CCR10: variants seen among roughly 807,000 people sequenced by gnomAD.
CCR10 encodes the protein C-C chemokine receptor type 10.
In CCR10, 11 loss-of-function variants were observed where a neutral mutation model predicts 11.9. The observed-to-expected ratio is 0.92, with a 90% CI of 0.58 to 1.53. CCR10 has a LOEUF of 1.53. Ranked by LOEUF, CCR10 falls within the 40% of genes most tolerant of loss-of-function variation. CCR10 has a pLI of 0.00. For missense variants in CCR10, 428 were observed against 496.6 expected (o/e 0.86, Z 1.31); for synonymous variants, 224 against 245.4 (o/e 0.91, Z 0.81).
At chr17:42,680,768 G>A in intron 1 of CCR10, 151 bp from the exon 2 acceptor site, 1 of 594,178 alleles carries the variant, frequency 1.7e-6, no homozygotes. Flanking sequence ...ACTCTTCCTA[G>A]CACACCTTCA....
rs748430257 is a variant in CCR10 at position 42,680,582 on chromosome 17, G to A, written c.60C>T (p.Asp20=). 13 of 1,588,624 alleles carry A rather than the reference G, an allele frequency of 8.2e-6. No individual in the cohort carries two copies. The highest frequency in any genetic ancestry group is 3.5e-5 in the Admixed American group (2 of 56,672). Residue 20 remains aspartate, a synonymous_variant, in exon 2 of 2, where the codon GAC becomes GAT. Transcript: ENST00000332438. ...SWGHYSGDEE[D]AYSAEPLPEL... ...CCGGCAGTGGCTCAGCCGAGTATGC[G>A]TCCTCTTCATCCCCAGAGTAATGGC... is the stretch of plus-strand genomic sequence containing the variant.
Position 42,680,021 on chromosome 17 carries a change from G to A in CCR10, c.621C>T (p.Ser207=). ...AGCCCAGGGCCACCTGCGCCACGGCGCTCGCCCCCTTCACCGTCTGCGTGA... is the reference window on the plus strand; with the variant it reads ...AGCCCAGGGCCACCTGCGCCACGGCACTCGCCCCCTTCACCGTCTGCGTGA... ...EGLTQTVKGA[S]AVAQVALGFA... The change falls in exon 2 of 2, where the codon AGC becomes AGT. Residue 207 remains serine (S), a synonymous_variant. Coordinates refer to ENST00000332438, the MANE Select transcript of CCR10 (RefSeq NM_016602.3). 1.3e-6 allele frequency: 2 copies of A among 1,583,814 alleles called. No individual in the cohort carries two copies. The highest frequency in any genetic ancestry group is 1.7e-6 in the Non-Finnish European group (2 of 1,170,182).
In CCR10 at chr17:42,680,010, T is replaced by A; in HGVS notation, c.632A>T (p.Gln211Leu). 1.3e-6 allele frequency: 2 copies of A among 1,580,976 alleles called. No individual in the cohort carries two copies. The highest frequency in any genetic ancestry group is 8.6e-7 in the Non-Finnish European group (1 of 1,168,868). ...QTVKGASAVAQVALGFALPLG... is the reference protein window; with the variant it reads ...QTVKGASAVALVALGFALPLG... ...CGGCAGCGCGAAGCCCAGGGCCACC[T>A]GCGCCACGGCGCTCGCCCCCTTCAC... The change falls in exon 2 of 2, where the codon CAG (glutamine) becomes CTG (leucine). Residue 211 changes from glutamine to leucine, a missense_variant. Coordinates refer to ENST00000332438, the MANE Select transcript of CCR10 (RefSeq NM_016602.3).
Position 42,680,057 on chromosome 17 carries a change from G to T in CCR10, c.585C>A (p.Phe195Leu), listed in dbSNP as rs1413756185. 6.2e-7 allele frequency: 1 copy of T among 1,602,374 alleles called. No homozygotes were observed. Among genetic ancestry groups the T allele is most frequent in the Non-Finnish European group, 8.5e-7 (1 of 1,177,392 alleles). ...TCACCGTCTGCGTGAGGCCCTCGGG[G>T]AAGATGAGGCGACAGCGTCGTTGGC... ...REGQRRCRLI[F>L]PEGLTQTVKG... The change falls in exon 2 of 2, where the codon TTC (phenylalanine) becomes TTA (leucine). Residue 195 changes from phenylalanine (F) to leucine (L), a missense_variant. Phe to Leu is a conservative substitution (Grantham distance 22). Coordinates refer to ENST00000332438, the MANE Select transcript of CCR10 (RefSeq NM_016602.3).
At position 42,680,547 on chromosome 17, in the gene CCR10, T is replaced by TC; in HGVS notation, c.94_95insG (p.Tyr32Ter). The TC allele has an allele frequency of 1.1e-5, 18 of 1,610,340 alleles. No individual in the cohort carries two copies. Among genetic ancestry groups the TC allele is most frequent in the Non-Finnish European group, 1.5e-5 (18 of 1,178,440 alleles). The change falls in exon 2 of 2, where the codon TAC becomes TGAC. Residue 32 changes from tyrosine (Y) to a stop codon, truncating the protein, a stop_gained and frameshift_variant. Transcript: ENST00000332438. LOFTEE classifies it low-confidence loss of function (END_TRUNC). ...GCTGAAGGCCTGGACATCGGCCTTG[T>TC]AGCAAAGCTCCGGCAGTGGCTCAGC... ...YSAEPLPELC[Y>*]KADVQAFSRA...
At position 42,679,949 on chromosome 17, in the gene CCR10, G is replaced by C; in HGVS notation, c.693C>G (p.Gly231=). The C allele has an allele frequency of 6.4e-7, 1 of 1,559,780 alleles. No individual in the cohort carries two copies. Among genetic ancestry groups the C allele is most frequent in the Non-Finnish European group, 8.6e-7 (1 of 1,157,810 alleles). ...GCCCCCTGGCGGCCAGCAGCGTGCG[G>C]CCCAGAAGCGCGTAGCAGGCTACCA... The part of the protein sequence containing the change: ...GVMVACYALL[G]RTLLAARGPE... Residue 231 remains glycine, a synonymous_variant, in exon 2 of 2, where the codon GGC becomes GGG. Transcript: ENST00000332438.
chr17:42,679,628 G>A lies in CCR10; in HGVS notation c.1014C>T (p.Arg338=), dbSNP rs1441526164. ...GSCPSGPQPR[R]GCPRRPRLSS... The stretch of plus-strand genomic sequence containing the variant: ...AAAGGCGGGGCCGGCGGGGGCAGCC[G>A]CGGCGGGGTTGAGGCCCTGAGGGGC... The change falls in exon 2 of 2, where the codon CGC becomes CGT. Residue 338 remains arginine (R), a synonymous_variant. Coordinates refer to ENST00000332438, the MANE Select transcript of CCR10 (RefSeq NM_016602.3). The A allele has an allele frequency of 1.4e-6, 2 of 1,480,748 alleles. No homozygotes were observed. The highest frequency in any genetic ancestry group is 1.8e-6 in the Non-Finnish European group (2 of 1,120,584). The allele number at this position is 1,480,748 out of a possible 1,614,324, so 91.7% of individuals were successfully genotyped here. A position where few individuals can be genotyped will look rare whatever the true frequency, so the allele number is the denominator to read the frequency against.
Position 42,679,682 on chromosome 17 carries a change from G to A in CCR10, c.960C>T (p.Asp320=), listed in dbSNP as rs762850000. The A allele has an allele frequency of 8.5e-6, 13 of 1,528,084 alleles. No individual in the cohort carries two copies. The highest frequency in any genetic ancestry group is 1.1e-5 in the Non-Finnish European group (12 of 1,139,142). The allele number at this position is 1,528,084 out of a possible 1,614,324, so 94.7% of individuals were successfully genotyped here. The change falls in exon 2 of 2, where the codon GAC becomes GAT. Residue 320 remains aspartate, a synonymous_variant. Transcript: ENST00000332438. ...YAFLGLRFRQ[D]LRRLLRGGSC... ...TCCCACCCCGTAGCAGCCTCCGCAG[G>A]TCCTGGCGGAAGCGCAGGCCCAGGA... is the stretch of plus-strand genomic sequence containing the variant.
At chr17:42,681,657 G>C (rs2052934016) in intron 1 of CCR10, 143 bp downstream of exon 1, 1 of 724,386 alleles carries the variant, frequency 1.4e-6, no homozygotes, top group African/African-American at 1.7e-5. Context: ...CATTTATCTG[G>C]AGGACCCCTA....
In CCR10 at chr17:42,679,597, A is replaced by G. The variant is rs762879927; in HGVS notation, c.1045T>C (p.Cys349Arg). The stretch of plus-strand genomic sequence containing the variant: ...CTGTGGGTCTCCGTGGGAGCTGAGC[A>G]GGAAGAAAGGCGGGGCCGGCGGGGG... ...GCPRRPRLSS[C>R]SAPTETHSLS... is the part of the protein sequence containing the mutation. Residue 349 changes from cysteine (C) to arginine (R), a missense_variant, in exon 2 of 2, where the codon TGC becomes CGC. Cys to Arg is a radical substitution (Grantham distance 180). Transcript: ENST00000332438. 6.7e-7 allele frequency: 1 copy of G among 1,486,764 alleles called. No homozygotes were observed. Among genetic ancestry groups the G allele is most frequent in the Non-Finnish European group, 8.9e-7 (1 of 1,123,510 alleles). The allele number at this position is 1,486,764 out of a possible 1,614,324, so 92.1% of individuals were successfully genotyped here.
Position 42,679,608 on chromosome 17 carries a change from C to A in CCR10, c.1034G>T (p.Arg345Leu), listed in dbSNP as rs1183507023. ...CGTGGGAGCTGAGCAGGAAGAAAGGCGGGGCCGGCGGGGGCAGCCGCGGCG... is the reference window on the plus strand; with the variant it reads ...CGTGGGAGCTGAGCAGGAAGAAAGGAGGGGCCGGCGGGGGCAGCCGCGGCG... Reference protein sequence around the residue: ...QPRRGCPRRPRLSSCSAPTET... With the variant: ...QPRRGCPRRPLLSSCSAPTET... Residue 345 changes from arginine to leucine, a missense_variant, in exon 2 of 2, where the codon CGC becomes CTC. Arg to Leu is a moderately radical substitution (Grantham distance 102). Coordinates refer to ENST00000332438, the MANE Select transcript of CCR10 (RefSeq NM_016602.3). 5 of 1,483,124 alleles carry A rather than the reference C, an allele frequency of 3.4e-6. No homozygotes were observed. Among genetic ancestry groups the A allele is most frequent in the Admixed American group, 2.5e-5 (1 of 39,898 alleles). The allele number at this position is 1,483,124 out of a possible 1,614,324, so 91.9% of individuals were successfully genotyped here.
Position 42,679,632 on chromosome 17 carries a change from C to T in CCR10, c.1010G>A (p.Arg337His). The T allele has an allele frequency of 7.4e-6, 11 of 1,481,184 alleles. No individual in the cohort carries two copies. Among genetic ancestry groups the T allele is most frequent in the Non-Finnish European group, 9.8e-6 (11 of 1,120,758 alleles). 91.8% of individuals were successfully genotyped at this position (1,481,184 alleles called of 1,614,324 possible). A position where few individuals can be genotyped will look rare whatever the true frequency, so the allele number is the denominator to read the frequency against. Reference protein sequence around the residue: ...GGSCPSGPQPRRGCPRRPRLS... With the variant: ...GGSCPSGPQPHRGCPRRPRLS... ...GCGGGGCCGGCGGGGGCAGCCGCGG[C>T]GGGGTTGAGGCCCTGAGGGGCAGCT... is the stretch of plus-strand genomic sequence containing the variant. The change falls in exon 2 of 2, where the codon CGC becomes CAC. Residue 337 changes from arginine to histidine, a missense_variant. Transcript: ENST00000332438.
intron 1 of CCR10, chr17:42,681,450 T>C (rs2052932263): frequency 5.5e-6 from 2 of 361,520 alleles, no homozygotes; most frequent in Non-Finnish European, 1.0e-5. Context: ...TGGGTTTCTG[T>C]TTCTCTTCTT....
rs1326845173 is a variant in CCR10, at chr17:42,680,135, T to C, written c.507A>G (p.Ser169=). The change falls in exon 2 of 2, where the codon TCA becomes TCG. Residue 169 remains serine, a synonymous_variant. Transcript: ENST00000332438. ...HLVSVIVWLL[S]LLLALPALLF... is the part of the protein sequence containing the mutation. ...GCAGCGCAGGCAGCGCCAGGAGCAG[T>C]GACAGCAGCCACACGATGACGGAGA... 1 of 1,612,018 alleles carries C rather than the reference T, an allele frequency of 6.2e-7. No homozygotes were observed. Among genetic ancestry groups the C allele is most frequent in the Non-Finnish European group, 8.5e-7 (1 of 1,179,696 alleles).
In CCR10 at chr17:42,680,502, A is replaced by G; in HGVS notation, c.140T>C (p.Val47Ala). The change falls in exon 2 of 2, where the codon GTC becomes GCC. Residue 47 changes from valine to alanine, a missense_variant. By Grantham distance (64) the Val-to-Ala change is moderately conservative. Transcript: ENST00000332438. The part of the protein sequence containing the change: ...QAFSRAFQPS[V>A]SLTVAALGLA... The stretch of plus-strand genomic sequence containing the variant: ...ACCCAGCGCAGCCACGGTCAGGGAG[A>G]CACTGGGTTGGAAGGCCCGGCTGAA... 1 of 1,612,208 alleles carries G rather than the reference A, an allele frequency of 6.2e-7. No homozygotes were observed. The highest frequency in any genetic ancestry group is 1.1e-5 in the South Asian group (1 of 90,976).
At position 42,679,536 on chromosome 17, in the gene CCR10, C is replaced by T. The variant is rs192986284; in HGVS notation, c.*17G>A. 2.0e-4 allele frequency: 294 copies of T among 1,448,998 alleles called. No homozygotes were observed. The highest frequency in any genetic ancestry group is 4.6e-4 in the South Asian group (30 of 65,408). The allele number at this position is 1,448,998 out of a possible 1,614,324, so 89.8% of individuals were successfully genotyped here. A position where few individuals can be genotyped will look rare whatever the true frequency, so the allele number is the denominator to read the frequency against. Reference sequence around the variant, plus strand: ...TCCCACGACCCTCAGCCTGCCCCCTCCTCTAGATTCGCAGCCCTAGTTGTC... The same window carrying T: ...TCCCACGACCCTCAGCCTGCCCCCTTCTCTAGATTCGCAGCCCTAGTTGTC... On this transcript the variant is annotated 3_prime_UTR_variant, in exon 2 of 2. Coordinates refer to ENST00000332438, the MANE Select transcript of CCR10 (RefSeq NM_016602.3).
rs368065835 is a variant in CCR10 at position 42,679,551 on chromosome 17, C to A, written c.*2G>T. 6.9e-7 allele frequency: 1 copy of A among 1,456,626 alleles called. No individual in the cohort carries two copies. Among genetic ancestry groups the A allele is most frequent in the Admixed American group, 2.7e-5 (1 of 37,548 alleles). 90.2% of individuals were successfully genotyped at this position (1,456,626 alleles called of 1,614,324 possible). ...CCTGCCCCCTCCTCTAGATTCGCAGCCCTAGTTGTCCCAGGAGAGACTGTG... is the reference window on the plus strand; with the variant it reads ...CCTGCCCCCTCCTCTAGATTCGCAGACCTAGTTGTCCCAGGAGAGACTGTG... On this transcript the variant is annotated 3_prime_UTR_variant, in exon 2 of 2. Coordinates refer to ENST00000332438, the MANE Select transcript of CCR10 (RefSeq NM_016602.3).
In CCR10 at chr17:42,679,577, G is replaced by T. The variant is rs1164597197; in HGVS notation, c.1065C>A (p.Thr355=). 3.4e-6 allele frequency: 5 copies of T among 1,480,754 alleles called. No homozygotes were observed. Among genetic ancestry groups the T allele is most frequent in the Non-Finnish European group, 4.5e-6 (5 of 1,119,874 alleles). 91.7% of individuals were successfully genotyped at this position (1,480,754 alleles called of 1,614,324 possible). The change falls in exon 2 of 2, where the codon ACC becomes ACA. Residue 355 remains threonine (T), a synonymous_variant. Coordinates refer to ENST00000332438, the MANE Select transcript of CCR10 (RefSeq NM_016602.3). ...RLSSCSAPTE[T]HSLSWDN ...CCTAGTTGTCCCAGGAGAGACTGTG[G>T]GTCTCCGTGGGAGCTGAGCAGGAAG... is the stretch of plus-strand genomic sequence containing the variant.
Position 42,679,705 on chromosome 17 carries a change from G to A in CCR10, c.937C>T (p.Leu313=), listed in dbSNP as rs1349295795. Residue 313 remains leucine, a synonymous_variant, in exon 2 of 2, where the codon CTG becomes TTG. Transcript: ENST00000332438. ...AGGTCCTGGCGGAAGCGCAGGCCCA[G>A]GAAGGCGTAGAGAACGGGATTGAGG... ...CGLNPVLYAF[L]GLRFRQDLRR... 3 of 1,546,176 alleles carry A rather than the reference G, an allele frequency of 1.9e-6. No homozygotes were observed. The highest frequency in any genetic ancestry group is 1.9e-5 in the Admixed American group (1 of 52,938).
Sources: allele counts gnomAD v4.1 joint callset, GRCh38; gene constraint gnomAD v4.1.1; transcripts MANE v1.5; gene names NCBI Gene and HGNC (gene_info 2026-07-23, HGNC 2026-07-21).